RANBP17: variants seen among roughly 807,000 people sequenced by gnomAD.
RANBP17 encodes the protein RAN binding protein 17.
Under a neutral mutation model 141.2 loss-of-function variants are expected in RANBP17, and 158 were observed. The ratio of observed to expected loss-of-function variants is 1.12; its 90% CI spans 0.98 to 1.28. The LOEUF is 1.28. Among genes scored for constraint, RANBP17 ranks in the 50% most tolerant of loss-of-function variants. RANBP17 has a pLI of 0.00. For synonymous variants in RANBP17, 430 were observed against 450.0 expected (o/e 0.96, Z 0.56); for missense variants, 1,438 against 1,290.7 (o/e 1.11, Z -1.75).
Position 170,955,648 on chromosome 5 carries a change from G to GTGTATA in RANBP17, c.1574+1947_1574+1948insGTATAT, listed in dbSNP as rs1242245418. 1.9e-3 allele frequency among the ~76,000 whole-genome samples: 42 copies of GTGTATA among 21,766 alleles called. 1 individual carries two copies. The highest frequency in any genetic ancestry group is 4.7e-3 in the African/African-American group (32 of 6,794). 14.3% of individuals were successfully genotyped at this position (21,766 alleles called of 152,430 possible). A position where few individuals can be genotyped will look rare whatever the true frequency, so the allele number is the denominator to read the frequency against. On this transcript the variant is annotated intron_variant, in intron 13 of 27. Coordinates refer to ENST00000523189, the MANE Select transcript of RANBP17 (RefSeq NM_022897.5). The stretch of plus-strand genomic sequence containing the variant: ...ATATATATATATATATATGCTCAGT[G>GTGTATA]TATATATATATATATATATATATAT...
At chr5:171,202,710 G>A (rs1006912506) in intron 19 of RANBP17, among the ~76,000 whole-genome samples, 3 of 152,076 alleles carry the variant, frequency 2.0e-5, no homozygotes, top group African/African-American at 7.2e-5. Context: ...CCTCTGACAC[G>A]GCTCTTTTGT....
chr5:171,204,181 T>G (rs1762449558), intron 19 of RANBP17, among the ~76,000 whole-genome samples: 2 of 152,052 alleles, frequency 1.3e-5, no homozygotes, highest in Non-Finnish European at 2.9e-5. Flanking sequence ...GAAACAAAAA[T>G]TCAGAGTTTT....
chr5:171,219,195 C>A (rs1218734114), intron 21 of RANBP17, among the ~76,000 whole-genome samples: 1 of 152,178 alleles, frequency 6.6e-6, no homozygotes, highest in Non-Finnish European at 1.5e-5. Context: ...GAATTCTTTT[C>A]TTTAAGAATG....
intron 14 of RANBP17, among the ~76,000 whole-genome samples, chr5:171,066,539 A>G (rs1561615548): frequency 6.6e-6 from 1 of 152,198 alleles, no homozygotes; most frequent in Non-Finnish European, 1.5e-5. Flanking sequence ...CACTGTATGT[A>G]TATACCACAT....
chr5:171,125,296 CAAAAAAAA>C (rs3083436), intron 14 of RANBP17, among the ~76,000 whole-genome samples: 1 of 85,970 alleles, frequency 1.2e-5, no homozygotes, highest in Non-Finnish European at 2.2e-5. Context: ...GACTATGTAT[CAAAAAAAA>C]AAAAAAAAAA....
At chr5:171,220,324 C>T (rs1041944186) in intron 21 of RANBP17, among the ~76,000 whole-genome samples, 19 of 151,184 alleles carry the variant, frequency 1.3e-4, no homozygotes, top group Non-Finnish European at 1.6e-4. Flanking sequence ...CTGGGAGGTG[C>T]CTCCCGGTTA....
At chr5:170,893,227 A>G (rs917206667) in intron 4 of RANBP17, among the ~76,000 whole-genome samples, 1 of 133,030 alleles carries the variant, frequency 7.5e-6, no homozygotes, top group African/African-American at 2.6e-5. Flanking sequence ...ATAAATTCAG[A>G]TATATGGACA....
chr5:171,066,788 C>T (rs542958596), intron 14 of RANBP17, among the ~76,000 whole-genome samples: 10 of 152,308 alleles, frequency 6.6e-5, no homozygotes, highest in Admixed American at 2.0e-4. Context: ...TTCCCACCAA[C>T]AGTGTGCAAA....
At chr5:170,863,213 T>G (rs1185188844) in intron 1 of RANBP17, among the ~76,000 whole-genome samples, 1 of 152,026 alleles carries the variant, frequency 6.6e-6, no homozygotes, top group Non-Finnish European at 1.5e-5. Flanking sequence ...GGCAAAGAAT[T>G]GTGGAAGAAC....
chr5:170,957,925 G>A (rs1394520551), intron 13 of RANBP17, among the ~76,000 whole-genome samples: 1 of 152,168 alleles, frequency 6.6e-6, no homozygotes, highest in African/African-American at 2.4e-5. Context: ...AGGCTTGCAG[G>A]AACCTAATCC....
chr5:171,277,637 GTATA>G (rs70982330), intron 25 of RANBP17, among the ~76,000 whole-genome samples: 2,665 of 56,936 alleles, frequency 0.047, 268 homozygotes, highest in Middle Eastern at 0.093. Context: ...ATATATGTAT[GTATA>G]TATATATATA....
intron 14 of RANBP17, among the ~76,000 whole-genome samples, chr5:170,980,679 CAG>C (rs1777705093): frequency 6.6e-6 from 1 of 152,202 alleles, no homozygotes; most frequent in Non-Finnish European, 1.5e-5. Context: ...ACCCAGATTT[CAG>C]AGGATGTATA....
intron 18 of RANBP17, among the ~76,000 whole-genome samples, chr5:171,185,404 A>G (rs767411504): frequency 6.6e-6 from 1 of 152,238 alleles, no homozygotes; most frequent in Non-Finnish European, 1.5e-5. Context: ...TGTAGCATAC[A>G]ATGCTGTTTG....
At chr5:170,896,938 TTGG>T in intron 5 of RANBP17, 2 of 732,148 alleles carry the variant, frequency 2.7e-6, no homozygotes, top group Non-Finnish European at 4.8e-6. Flanking sequence ...AATGACCCAG[TTGG>T]TGGTCATACT....
At chr5:171,141,847 T>TA (rs1263233077) in intron 14 of RANBP17, among the ~76,000 whole-genome samples, 1 of 152,176 alleles carries the variant, frequency 6.6e-6, no homozygotes, top group African/African-American at 2.4e-5. Flanking sequence ...GTTGATGACC[T>TA]AACGCTGAAT....
intron 1 of RANBP17, 25 bp downstream of exon 1, chr5:170,862,076 C>G: frequency 6.9e-7 from 1 of 1,445,364 alleles, no homozygotes; most frequent in Non-Finnish European, 9.0e-7. Context: ...CGCCGCGGGC[C>G]CGCGCTCCGC....
chr5:171,176,035 A>G (rs1373791101), intron 16 of RANBP17, among the ~76,000 whole-genome samples: 2 of 152,120 alleles, frequency 1.3e-5, no homozygotes, highest in African/African-American at 4.8e-5. Flanking sequence ...TACAGCCCGC[A>G]TGCCTGTGGA....
intron 18 of RANBP17, among the ~76,000 whole-genome samples, chr5:171,199,186 TC>T (rs1762152149): frequency 6.6e-6 from 1 of 152,090 alleles, no homozygotes; most frequent in Non-Finnish European, 1.5e-5. Context: ...GATAAAAGTT[TC>T]CCTGCCATTT....
chr5:171,109,878 T>A (rs534603690), intron 14 of RANBP17, among the ~76,000 whole-genome samples: 1 of 152,242 alleles, frequency 6.6e-6, no homozygotes, highest in Admixed American at 6.5e-5. Flanking sequence ...TGAAGAAATA[T>A]TATAGGTATT....
Sources: allele counts gnomAD v4.1 joint callset (sites outside exome capture counted in the v4.1 genomes callset), GRCh38; gene constraint gnomAD v4.1.1; transcripts MANE v1.5; gene names NCBI Gene and HGNC (gene_info 2026-07-23, HGNC 2026-07-21).